The following BCO2 variants were observed in gnomAD, a reference collection of about 807,000 sequenced individuals.
BCO2 encodes carotenoid-cleaving dioxygenase, mitochondrial.
A neutral mutation model predicts 65.8 loss-of-function variants in BCO2; 56 were observed. The ratio of observed to expected loss-of-function variants is 0.85; its 90% CI spans 0.69 to 1.06. The LOEUF is 1.06. BCO2 is among the 50% of genes least tolerant of loss of function. BCO2 has a pLI of 0.00. For synonymous variants in BCO2, 233 were observed against 242.3 expected (o/e 0.96, Z 0.36); for missense variants, 675 against 698.5 (o/e 0.97, Z 0.38).
At chr11:112,181,849 C>A in intron 2 of BCO2, 2 of 962,284 alleles carry the variant, frequency 2.1e-6, no homozygotes, top group South Asian at 2.6e-5. Context: ...CTTTGCTGTT[C>A]AAATCTTGAA....
intron 2 of BCO2, 55 bp downstream of exon 2, chr11:112,179,537 G>A: frequency 6.9e-7 from 1 of 1,457,970 alleles, no homozygotes; most frequent in East Asian, 2.3e-5. Flanking sequence ...CTGGTTCTGT[G>A]GAATATGCAT....
chr11:112,204,797 C>T (rs571806099), intron 8 of BCO2, among the ~76,000 whole-genome samples: 8 of 152,204 alleles, frequency 5.3e-5, no homozygotes, highest in Non-Finnish European at 8.8e-5. Flanking sequence ...CTCAGCCTCC[C>T]GAGTAGCTGG....
chr11:112,201,918 T>A, intron 7 of BCO2, 105 bp from the exon 8 acceptor site: 1 of 985,958 alleles, frequency 1.0e-6, no homozygotes. Context: ...GGGAAAATCT[T>A]TCTAATTTTC....
chr11:112,197,180 T>A (rs747117507), intron 5 of BCO2, among the ~76,000 whole-genome samples: 2 of 152,198 alleles, frequency 1.3e-5, no homozygotes, highest in African/African-American at 2.4e-5. Flanking sequence ...AGATACTAAC[T>A]CCATCTTTCC....
intron 8 of BCO2, among the ~76,000 whole-genome samples, chr11:112,205,448 A>T (rs192435021): frequency 4.1e-4 from 62 of 152,096 alleles, no homozygotes; most frequent in African/African-American, 1.0e-3. Flanking sequence ...TTCAAATTTT[A>T]TTTTATTTTT....
At chr11:112,200,884 T>A in intron 7 of BCO2, 111 bp downstream of exon 7, 2 of 1,150,578 alleles carry the variant, frequency 1.7e-6, no homozygotes, top group Middle Eastern at 2.0e-4. Flanking sequence ...AAGACACTTT[T>A]AATCAAGGAT....
chr11:112,206,687 G>A (rs889075171), intron 8 of BCO2, among the ~76,000 whole-genome samples: 10 of 152,040 alleles, frequency 6.6e-5, no homozygotes, highest in African/African-American at 1.9e-4. Context: ...TCGCCTTTTC[G>A]TTTTGTTGAT....
chr11:112,192,816 T>C (rs1384312344), intron 2 of BCO2, among the ~76,000 whole-genome samples: 1 of 149,300 alleles, frequency 6.7e-6, no homozygotes, highest in South Asian at 2.1e-4. Context: ...TCATTCTGAT[T>C]TGTTAAACAT....
intron 6 of BCO2, among the ~76,000 whole-genome samples, chr11:112,200,111 T>C (rs972625424): frequency 2.0e-5 from 3 of 152,202 alleles, no homozygotes; most frequent in Admixed American, 6.5e-5. Context: ...AGCCCACAAA[T>C]AGTAATCATA....
chr11:112,204,617 C>T (rs1001751360), intron 8 of BCO2, among the ~76,000 whole-genome samples: 1 of 152,214 alleles, frequency 6.6e-6, no homozygotes, highest in Non-Finnish European at 1.5e-5. Context: ...TGATGATCTA[C>T]TACCACTTAA....
Position 112,202,066 on chromosome 11 carries a change from A to T in BCO2, c.1070A>T (p.His357Leu). The part of the protein sequence containing the change: ...RYYSKPFVTF[H>L]QINAFEDQGC... ...TACAGCAAACCTTTTGTTACATTTC[A>T]TCAAATCAATGCCTTTGAGGACCAG... The change falls in exon 8 of 12, where the codon CAT (histidine) becomes CTT (leucine). Residue 357 changes from histidine (H) to leucine (L), a missense_variant. By Grantham distance (99) the His-to-Leu change is moderately conservative (BLOSUM62 -3). Transcript: ENST00000357685. The T allele has an allele frequency of 6.2e-7, 1 of 1,612,400 alleles. No homozygotes were observed. Among genetic ancestry groups the T allele is most frequent in the Non-Finnish European group, 8.5e-7 (1 of 1,179,288 alleles).
chr11:112,193,777 G>A (rs1867475976), intron 3 of BCO2, 80 bp downstream of exon 3: 3 of 1,526,852 alleles, frequency 2.0e-6, no homozygotes, highest in African/African-American at 1.4e-5. Flanking sequence ...ATTTTTTTGT[G>A]TATGTGAGAG....
intron 2 of BCO2, chr11:112,181,418 T>G: frequency 1.7e-6 from 1 of 601,386 alleles, no homozygotes; most frequent in Non-Finnish European, 3.1e-6. Flanking sequence ...CCTGACCTCG[T>G]GATCCGCCCG....
intron 2 of BCO2, among the ~76,000 whole-genome samples, chr11:112,190,639 A>G (rs561851286): frequency 4.6e-5 from 7 of 152,076 alleles, no homozygotes; most frequent in African/African-American, 1.7e-4. Flanking sequence ...GGTGGATCAC[A>G]AGGTCAGGAG....
intron 8 of BCO2, among the ~76,000 whole-genome samples, chr11:112,206,287 TGG>T (rs1867867433): frequency 7.1e-6 from 1 of 141,080 alleles, no homozygotes; most frequent in Non-Finnish European, 1.5e-5. Context: ...GGTGGGCGGC[TGG>T]GCAGAGGCAC....
chr11:112,211,051 GA>G (rs373470826), intron 8 of BCO2, among the ~76,000 whole-genome samples: 6 of 151,992 alleles, frequency 3.9e-5, no homozygotes, highest in African/African-American at 1.4e-4. Flanking sequence ...TCCATTTCCA[GA>G]ACATTTTCAT....
intron 8 of BCO2, among the ~76,000 whole-genome samples, chr11:112,210,923 C>CT (rs917909940): frequency 3.9e-5 from 6 of 151,956 alleles, no homozygotes; most frequent in African/African-American, 1.5e-4. Context: ...TGTATTATTT[C>CT]TTTTTTTATG....
intron 8 of BCO2, among the ~76,000 whole-genome samples, chr11:112,204,704 C>A (rs561582690): frequency 1.0e-3 from 152 of 152,246 alleles, no homozygotes; most frequent in Non-Finnish European, 1.9e-3. Flanking sequence ...CAGAGTTTTG[C>A]TCTTGTTGCC....
At chr11:112,199,390 G>A (rs192298200) in intron 5 of BCO2, among the ~76,000 whole-genome samples, 150 of 152,292 alleles carry the variant, frequency 9.8e-4, no homozygotes, top group African/African-American at 3.4e-3. Flanking sequence ...GCAAGTCTTT[G>A]CTATTGTGAA....
Sources: allele counts gnomAD v4.1 joint callset (sites outside exome capture counted in the v4.1 genomes callset), GRCh38; gene constraint gnomAD v4.1.1; transcripts MANE v1.5; gene names NCBI Gene and HGNC (gene_info 2026-07-23, HGNC 2026-07-21).